The following HYCC1 variants were observed in gnomAD, a reference collection of about 807,000 sequenced individuals.
HYCC1 encodes the protein hyccin.
chr7:22,942,376 G>C, the HYCC1 span: 3 of 152,088 alleles, frequency 2.0e-5, no homozygotes, highest in Non-Finnish European at 4.4e-5. Flanking sequence ...TTCCATAGTG[G>C]TATACAAAGG....
At chr7:22,927,359 AC>A in the HYCC1 span, among the ~76,000 whole-genome samples, 5 of 143,956 alleles carry the variant, frequency 3.5e-5, no homozygotes, top group Non-Finnish European at 7.7e-5. Context: ...AAATAGAGAC[AC>A]AAAAAAGCCT....
chr7:22,942,805 G>A, the HYCC1 span: 1 of 152,110 alleles, frequency 6.6e-6, no homozygotes, highest in African/African-American at 2.4e-5. Context: ...AAGTAGTATG[G>A]ATAATAGTAA....
the HYCC1 span, among the ~76,000 whole-genome samples, chr7:22,973,573 C>A: frequency 6.6e-6 from 1 of 152,204 alleles, no homozygotes; most frequent in East Asian, 1.9e-4. Context: ...TTACTTAGAT[C>A]TTTTCCCCCA....
chr7:22,942,915 T>A, the HYCC1 span: 5 of 152,182 alleles, frequency 3.3e-5, no homozygotes, highest in Non-Finnish European at 7.3e-5. Context: ...TATAAAAGAA[T>A]TTTGTTGTTA....
chr7:22,930,600 G>A, the HYCC1 span, among the ~76,000 whole-genome samples: 1 of 151,690 alleles, frequency 6.6e-6, no homozygotes, highest in Non-Finnish European at 1.5e-5. Flanking sequence ...ATAGAGAAGG[G>A]GGGAACTCAT....
At chr7:22,999,485 T>C in the HYCC1 span, among the ~76,000 whole-genome samples, 1 of 152,174 alleles carries the variant, frequency 6.6e-6, no homozygotes, top group African/African-American at 2.4e-5. Context: ...TTCATTAACA[T>C]GATTATCACA....
chr7:22,929,487 A>C, the HYCC1 span, among the ~76,000 whole-genome samples: 1 of 152,192 alleles, frequency 6.6e-6, no homozygotes, highest in Non-Finnish European at 1.5e-5. Flanking sequence ...AACTCAAACA[A>C]ATTTACAAGA....
chr7:23,002,593 T>A, the HYCC1 span, among the ~76,000 whole-genome samples: 1 of 152,190 alleles, frequency 6.6e-6, no homozygotes, highest in Non-Finnish European at 1.5e-5. Flanking sequence ...TAGTTATTAC[T>A]TTCTTCATTA....
At chr7:22,984,506 C>G in the HYCC1 span, among the ~76,000 whole-genome samples, 1 of 151,902 alleles carries the variant, frequency 6.6e-6, no homozygotes, top group South Asian at 2.1e-4. Context: ...GACTGATTGA[C>G]CCCAGGAGTT....
chr7:22,990,213 T>G, the HYCC1 span, among the ~76,000 whole-genome samples: 1 of 152,234 alleles, frequency 6.6e-6, no homozygotes. Flanking sequence ...TGCTTTGTTT[T>G]GAGTCTACCA....
At chr7:22,977,850 T>C in the HYCC1 span, among the ~76,000 whole-genome samples, 1 of 152,190 alleles carries the variant, frequency 6.6e-6, no homozygotes, top group Admixed American at 6.5e-5. Context: ...AAGCCGTATG[T>C]TAAAATAATG....
the HYCC1 span, among the ~76,000 whole-genome samples, chr7:22,979,717 T>G: frequency 2.0e-5 from 3 of 152,162 alleles, no homozygotes; most frequent in Non-Finnish European, 4.4e-5. Context: ...TATGAAATCT[T>G]ATTTGAAATT....
chr7:22,951,870 C>A, the HYCC1 span, among the ~76,000 whole-genome samples: 1 of 151,742 alleles, frequency 6.6e-6, no homozygotes, highest in Non-Finnish European at 1.5e-5. Flanking sequence ...TAGAGTACAA[C>A]CATGAAAACA....
At chr7:22,928,478 T>C in the HYCC1 span, among the ~76,000 whole-genome samples, 6 of 152,216 alleles carry the variant, frequency 3.9e-5, no homozygotes, top group Admixed American at 2.6e-4. Context: ...GATAAGCAAC[T>C]TCAGCAAAGT....
chr7:22,991,527 G>A, the HYCC1 span, among the ~76,000 whole-genome samples: 1 of 152,052 alleles, frequency 6.6e-6, no homozygotes, highest in Non-Finnish European at 1.5e-5. Flanking sequence ...TGACTTTATA[G>A]AAAGCATTAA....
the HYCC1 span, among the ~76,000 whole-genome samples, chr7:22,927,135 G>A: frequency 4.6e-5 from 7 of 152,242 alleles, no homozygotes; most frequent in Non-Finnish European, 8.8e-5. Flanking sequence ...TGAAACCAAC[G>A]AGAACAAAGA....
chr7:22,927,010 A>G, the HYCC1 span, among the ~76,000 whole-genome samples: 1 of 152,238 alleles, frequency 6.6e-6, no homozygotes, highest in Non-Finnish European at 1.5e-5. Flanking sequence ...AATGAACTAG[A>G]ACTCAGGATT....
At chr7:23,001,102 C>T in the HYCC1 span, among the ~76,000 whole-genome samples, 1 of 152,022 alleles carries the variant, frequency 6.6e-6, no homozygotes, top group South Asian at 2.1e-4. Context: ...CTCAATGTGA[C>T]CAAATGTGTC....
chr7:22,945,273 A>T, the HYCC1 span: 1 of 403,780 alleles, frequency 2.5e-6, no homozygotes, highest in African/African-American at 2.0e-5. Flanking sequence ...ACCTCACATG[A>T]GACATAACCA....
Sources: allele counts gnomAD v4.1 joint callset (sites outside exome capture counted in the v4.1 genomes callset), GRCh38; gene constraint gnomAD v4.1.1; transcripts MANE v1.5; gene names NCBI Gene and HGNC (gene_info 2026-07-23, HGNC 2026-07-21).